The following SMYD3 variants were observed in gnomAD, a reference collection of about 807,000 sequenced individuals.
The protein encoded by SMYD3 is histone-lysine N-methyltransferase SMYD3.
SMYD3 carries 36 observed loss-of-function variants against 57.7 expected under a neutral mutation model. That is an observed-to-expected ratio of 0.62 (90% CI 0.48 to 0.82). SMYD3 has a LOEUF of 0.82. Among genes scored for constraint, SMYD3 ranks in the 40% least tolerant of loss-of-function variants. The pLI, the probability that SMYD3 is intolerant of heterozygous loss-of-function variation, is 0.00. For missense variants in SMYD3, 515 were observed against 538.8 expected, an observed-to-expected ratio of 0.96 and a Z score of 0.44; for synonymous variants, 211 against 195.0, an observed-to-expected ratio of 1.08 and a Z score of -0.68.
chr1:246,471,944 G>A (rs1230695732), intron 1 of SMYD3, among the ~76,000 whole-genome samples: 1 of 151,946 alleles, frequency 6.6e-6, no homozygotes, highest in African/African-American at 2.4e-5. Flanking sequence ...CCAATCTTGG[G>A]GAACAAAAAC....
intron 5 of SMYD3, among the ~76,000 whole-genome samples, chr1:246,097,556 A>C (rs1274625987): frequency 6.6e-6 from 1 of 152,152 alleles, no homozygotes; most frequent in African/African-American, 2.4e-5. Flanking sequence ...AGTACTCCAG[A>C]GTTCTCAGAT....
intron 1 of SMYD3, among the ~76,000 whole-genome samples, chr1:246,376,819 G>T (rs1008771544): frequency 6.6e-6 from 1 of 151,854 alleles, no homozygotes; most frequent in African/African-American, 2.4e-5. Flanking sequence ...TAACGTATTG[G>T]CCGGGAGTGG....
At chr1:246,373,824 G>A (rs926100178) in intron 1 of SMYD3, among the ~76,000 whole-genome samples, 3 of 152,250 alleles carry the variant, frequency 2.0e-5, no homozygotes, top group African/African-American at 7.2e-5. Context: ...TTTGGAGTTA[G>A]TCAATCAAAA....
chr1:245,827,680 T>C (rs2049580313), intron 10 of SMYD3, among the ~76,000 whole-genome samples: 1 of 152,066 alleles, frequency 6.6e-6, no homozygotes, highest in Non-Finnish European at 1.5e-5. Flanking sequence ...CACCTAAGAG[T>C]GTCCTGGAAT....
intron 5 of SMYD3, among the ~76,000 whole-genome samples, chr1:246,201,156 A>G (rs900975400): frequency 3.0e-4 from 46 of 152,348 alleles, no homozygotes; most frequent in African/African-American, 1.1e-3. Context: ...CTTACAGACA[A>G]ATTAATAATC....
intron 10 of SMYD3, among the ~76,000 whole-genome samples, chr1:245,799,782 A>ACACCTGTC (rs1474388602): frequency 6.6e-6 from 1 of 152,110 alleles, no homozygotes; most frequent in Non-Finnish European, 1.5e-5. Flanking sequence ...CGACCTCGGC[A>ACACCTGTC]CACCTGTCCA....
intron 5 of SMYD3, among the ~76,000 whole-genome samples, chr1:246,049,910 G>A (rs1337094295): frequency 6.6e-6 from 1 of 151,998 alleles, no homozygotes; most frequent in African/African-American, 2.4e-5. Context: ...ATAAACAGTG[G>A]TTTCCACCAA....
intron 11 of SMYD3, among the ~76,000 whole-genome samples, chr1:245,751,519 T>TGAGAGAGAGAGAAAGAGAGA (rs2045354143): frequency 1.1e-5 from 1 of 87,728 alleles, no homozygotes; most frequent in Non-Finnish European, 2.5e-5. Flanking sequence ...GATTTGCTGC[T>TGAGAGAGAGAGAAAGAGAGA]GAGAGAGAGA....
chr1:245,814,403 T>C (rs924819238), intron 10 of SMYD3: 1 of 984,486 alleles, frequency 1.0e-6, no homozygotes, highest in Non-Finnish European at 1.2e-6. Context: ...GATTCTTTCC[T>C]GGTCTTCTTC....
intron 10 of SMYD3, among the ~76,000 whole-genome samples, chr1:245,824,516 A>T (rs939059776): frequency 2.0e-5 from 3 of 152,170 alleles, no homozygotes; most frequent in Admixed American, 6.5e-5. Context: ...CAGGAGTTCG[A>T]GACCAGCCTG....
chr1:246,378,282 G>A (rs969446248), intron 1 of SMYD3, among the ~76,000 whole-genome samples: 1 of 152,128 alleles, frequency 6.6e-6, no homozygotes, highest in African/African-American at 2.4e-5. Context: ...GATACTGAGT[G>A]TAAACTTGAT....
At chr1:246,404,130 G>A (rs996361690) in intron 1 of SMYD3, among the ~76,000 whole-genome samples, 14 of 152,286 alleles carry the variant, frequency 9.2e-5, no homozygotes, top group Non-Finnish European at 1.8e-4. Flanking sequence ...AATGATAGCT[G>A]TAAGTGGAAA....
chr1:246,171,814 C>G (rs2062339740), intron 5 of SMYD3, among the ~76,000 whole-genome samples: 1 of 152,114 alleles, frequency 6.6e-6, no homozygotes, highest in Non-Finnish European at 1.5e-5. Flanking sequence ...AGTTTGAGAC[C>G]AGACTGGGCA....
chr1:245,768,892 GA>G (rs891117395), intron 10 of SMYD3, among the ~76,000 whole-genome samples: 29 of 147,106 alleles, frequency 2.0e-4, no homozygotes, highest in African/African-American at 6.5e-4. Flanking sequence ...GGAACTGTGA[GA>G]AAAAAAAAAA....
chr1:246,397,927 CAAGAA>C (rs2066700703), intron 1 of SMYD3, among the ~76,000 whole-genome samples: 1 of 139,270 alleles, frequency 7.2e-6, no homozygotes, highest in African/African-American at 2.7e-5. Context: ...AAAAAAAAAG[CAAGAA>C]AAGAAAAGAG....
chr1:246,175,868 A>G (rs1318220669), intron 5 of SMYD3, among the ~76,000 whole-genome samples: 1 of 152,232 alleles, frequency 6.6e-6, no homozygotes, highest in Non-Finnish European at 1.5e-5. Flanking sequence ...AATTCCAAGT[A>G]TATTATACTG....
rs575049355 is a variant in SMYD3, at chr1:246,032,699, G to A, written c.532-102762C>T. On this transcript the variant is annotated intron_variant, in intron 5 of 11. Coordinates refer to ENST00000490107, the MANE Select transcript of SMYD3 (RefSeq NM_001167740.2). Reference sequence around the variant, plus strand: ...GAGGAAAAAAATCAGATACAATATTGTGACTATGAAATCATCTTCTCATTT... The same window carrying A: ...GAGGAAAAAAATCAGATACAATATTATGACTATGAAATCATCTTCTCATTT... Among the ~76,000 whole-genome samples the A allele has an allele frequency of 7.2e-5, 11 of 152,248 alleles. No homozygotes were observed. In the South Asian group the frequency reaches 1.9e-3, roughly 26 times the overall value.
intron 5 of SMYD3, among the ~76,000 whole-genome samples, chr1:246,284,982 A>G (rs1303409426): frequency 8.9e-5 from 13 of 146,042 alleles, no homozygotes; most frequent in Non-Finnish European, 1.4e-4. Context: ...TTTTATTTCC[A>G]TAGGTTTTTG....
At chr1:245,949,495 G>A (rs1015131095) in intron 5 of SMYD3, among the ~76,000 whole-genome samples, 12 of 152,248 alleles carry the variant, frequency 7.9e-5, no homozygotes, top group African/African-American at 2.4e-4. Context: ...ACTACCGTGC[G>A]CACCCAGAAC....
Sources: gnomAD v4.1 joint callset for allele counts (sites outside exome capture counted in the v4.1 genomes callset) on GRCh38, gnomAD v4.1.1 for gene constraint, MANE v1.5 for transcripts, NCBI Gene and HGNC (gene_info 2026-07-23, HGNC 2026-07-21) for gene names.